Variants in UBXN11 observed in about 807,000 individuals in gnomAD.
UBXN11 encodes the protein UBX domain-containing protein 11.
In UBXN11, 47 loss-of-function variants were observed where a neutral mutation model predicts 62.8. That is an observed-to-expected ratio of 0.75 (90% CI 0.59 to 0.95). The LOEUF (loss-of-function observed/expected upper bound fraction) is 0.95, where lower values mean the gene tolerates loss of function less well. UBXN11 is among the 40% of genes least tolerant of loss of function. The pLI is 0.00. For missense variants in UBXN11, 638 were observed against 661.7 expected (o/e 0.96, Z 0.39); for synonymous variants, 294 against 267.0 (o/e 1.10, Z -0.99).
At chr1:26,296,437 T>C (rs2073394548) in intron 7 of UBXN11, among the ~76,000 whole-genome samples, 1 of 152,058 alleles carries the variant, frequency 6.6e-6, no homozygotes. Context: ...GGGATATGAC[T>C]GAGGACAGTG....
intron 1 of UBXN11, among the ~76,000 whole-genome samples, chr1:26,314,866 G>A (rs768118419): frequency 2.0e-5 from 3 of 152,160 alleles, no homozygotes; most frequent in Non-Finnish European, 4.4e-5. Context: ...GCTAAATCTT[G>A]AAGAATAAAG....
chr1:26,306,646 C>T (rs983395579), upstream of UBXN11: 6 of 152,362 alleles, frequency 3.9e-5, no homozygotes, highest in African/African-American at 1.2e-4. Context: ...CACGCGGTTT[C>T]CTAGGCGACC....
intron 8 of UBXN11, among the ~76,000 whole-genome samples, chr1:26,286,351 T>C (rs1391667356): frequency 2.0e-5 from 3 of 152,078 alleles, no homozygotes; most frequent in African/African-American, 7.2e-5. Context: ...AGAAACACAG[T>C]AGTAAGCAGC....
Position 26,317,909 on chromosome 1 carries a change from G to A in UBXN11, c.-149+138C>T, listed in dbSNP as rs113139025. 1.8e-3 allele frequency: 1,684 copies of A among 929,606 alleles called. 23 individuals are homozygous for A. In the African/African-American group the frequency reaches 0.025, roughly 14 times the overall value. 57.6% of individuals were successfully genotyped at this position (929,606 alleles called of 1,614,324 possible). On this transcript the variant is annotated intron_variant, in intron 1 of 14. Coordinates refer to the UBXN11 transcript ENST00000374217. ...CTCCTTCCTCTCCCTACCTCACCCC[G>A]CCTCCTCTGCCTCCTGGTTCAAAAG...
chr1:26,300,787 G>C, intron 4 of UBXN11, 139 bp downstream of exon 4: 2 of 1,421,454 alleles, frequency 1.4e-6, no homozygotes, highest in South Asian at 2.7e-5. Flanking sequence ...CCAGGTCCCT[G>C]CCACAATCAG....
In UBXN11 at chr1:26,300,286, G is replaced by C. The variant is rs1453014116; in HGVS notation, c.199+640C>G. On this transcript the variant is annotated intron_variant, in intron 4 of 14. Transcript: ENST00000374222. The stretch of plus-strand genomic sequence containing the variant: ...ATCCTCCCAACACGCTGCCCTCGCT[G>C]TTCCCATGCCCACTTCACAGAGGAG... Among the ~76,000 whole-genome samples the C allele has an allele frequency of 2.6e-5, 4 of 152,226 alleles. 1 individual carries two copies. Among genetic ancestry groups the C allele is most frequent in the Admixed American group, 1.3e-4 (2 of 15,284 alleles).
At position 26,282,338 on chromosome 1, in the gene UBXN11, GCCGGGA is replaced by G. The variant is rs1377115437; in HGVS notation, c.1518_1523del (p.Gly508_Pro509del). 1.4e-4 allele frequency: 45 copies of G among 324,334 alleles called. 1 individual carries two copies. In the Admixed American group the frequency reaches 1.4e-3, roughly 10 times the overall value. 20.1% of individuals were successfully genotyped at this position (324,334 alleles called of 1,614,324 possible). A position where few individuals can be genotyped will look rare whatever the true frequency, so the allele number is the denominator to read the frequency against. On this transcript the variant is annotated inframe_deletion, in exon 15 of 15. Coordinates refer to ENST00000374222, the MANE Select transcript of UBXN11 (RefSeq NM_001389556.1). ...GACTGGGTCCAGGACAGGGACTGGG[GCCGGGA>G]CCGGGACCGGGACTGGGGCCGGGAC...
rs747176932 is a variant in UBXN11, at chr1:26,300,942, G to C, written c.183C>G (p.Ala61=). 3.1e-6 allele frequency: 5 copies of C among 1,614,080 alleles called. No individual in the cohort carries two copies. Among genetic ancestry groups the C allele is most frequent in the Non-Finnish European group, 4.2e-6 (5 of 1,180,036 alleles). The change falls in exon 4 of 15, where the codon GCC becomes GCG. Residue 61 remains alanine (A), a synonymous_variant. Coordinates refer to ENST00000374222, the MANE Select transcript of UBXN11 (RefSeq NM_001389556.1). ...SVPSCYGGIG[A]PVSRQVPASH... ...TGCTCTCACCTTGCCGACTCACAGGGGCACCTATGCCGCCATAGCAGGAAG... is the reference window on the plus strand; with the variant it reads ...TGCTCTCACCTTGCCGACTCACAGGCGCACCTATGCCGCCATAGCAGGAAG...
At chr1:26,301,755 T>C (rs1182835846) in intron 2 of UBXN11, 33 bp from the exon 3 acceptor site, 4 of 1,613,286 alleles carry the variant, frequency 2.5e-6, no homozygotes, top group South Asian at 1.1e-5. Context: ...GGAAGAAATA[T>C]AAGTTAGGGC....
Position 26,282,750 on chromosome 1 carries a change from G to T in UBXN11, c.1191C>A (p.Ser397=), listed in dbSNP as rs771374267. 6.2e-6 allele frequency: 10 copies of T among 1,614,180 alleles called. No individual in the cohort carries two copies. In the South Asian group the frequency reaches 8.8e-5, roughly 14 times the overall value. The change falls in exon 14 of 15, where the codon TCC becomes TCA. Residue 397 remains serine (S), a synonymous_variant. Transcript: ENST00000374222. ...ESPNTPAPPL[S]MLRIKSENGE... is the part of the protein sequence containing the mutation. ...CATTCTCAGACTTGATGCGCAGCAT[G>T]GAGAGCGGGGGTGCCGGCGTGTTGG...
At chr1:26,316,072 G>A (rs2073791081) in intron 1 of UBXN11, among the ~76,000 whole-genome samples, 1 of 146,626 alleles carries the variant, frequency 6.8e-6, no homozygotes, top group African/African-American at 2.5e-5. Context: ...CAATCCTCCT[G>A]CGTCAGCCCC....
chr1:26,284,646 C>T, intron 10 of UBXN11, 164 bp from the exon 11 acceptor site: 1 of 1,385,566 alleles, frequency 7.2e-7, no homozygotes, highest in South Asian at 1.7e-5. Flanking sequence ...GTTCGTACTG[C>T]TGTCATCTCC....
At chr1:26,285,784 G>T in intron 9 of UBXN11, 39 bp downstream of exon 9, 1 of 1,560,412 alleles carries the variant, frequency 6.4e-7, no homozygotes, top group East Asian at 2.3e-5. Context: ...GTGGGCAGCA[G>T]GGGCACTAGA....
intron 8 of UBXN11, among the ~76,000 whole-genome samples, chr1:26,291,168 C>T (rs1199515690): frequency 1.3e-5 from 2 of 152,302 alleles, no homozygotes; most frequent in African/African-American, 4.8e-5. Context: ...CTGTGGGAGC[C>T]TCTCCAACAG....
Position 26,312,979 on chromosome 1 carries a change from CAAA to C in UBXN11, c.-149+5065_-149+5067del, listed in dbSNP as rs55777309. Among the ~76,000 whole-genome samples, 146 of 48,130 alleles carry C rather than the reference CAAA, an allele frequency of 3.0e-3. 1 individual carries two copies. The highest frequency in any genetic ancestry group is 0.013 in the African/African-American group (137 of 10,890). 31.6% of individuals were successfully genotyped at this position (48,130 alleles called of 152,430 possible). On this transcript the variant is annotated intron_variant, in intron 1 of 14. Coordinates refer to the UBXN11 transcript ENST00000374217. ...GGGCAACAAGAGCAAAACTCTGTCT[CAAA>C]AAAAAAAAAAAAAAAAAAAAAAGAG...
At chr1:26,288,414 T>C (rs1439176857) in intron 8 of UBXN11, among the ~76,000 whole-genome samples, 1 of 151,864 alleles carries the variant, frequency 6.6e-6, no homozygotes, top group African/African-American at 2.4e-5. Context: ...CTGGATATGA[T>C]AGAGTGGAGA....
chr1:26,313,718 A>T (rs987015808), intron 1 of UBXN11, among the ~76,000 whole-genome samples: 2 of 151,354 alleles, frequency 1.3e-5, no homozygotes, highest in African/African-American at 4.9e-5. Flanking sequence ...CTGAGTTCCT[A>T]ATTTTTATTA....
At chr1:26,296,494 C>T (rs2073395686) in intron 7 of UBXN11, among the ~76,000 whole-genome samples, 1 of 152,166 alleles carries the variant, frequency 6.6e-6, no homozygotes, top group South Asian at 2.1e-4. Context: ...GAGGGAACAG[C>T]AACAGCACGG....
chr1:26,287,339 G>T (rs1247426312), intron 8 of UBXN11, among the ~76,000 whole-genome samples: 1 of 152,144 alleles, frequency 6.6e-6, no homozygotes, highest in African/African-American at 2.4e-5. Flanking sequence ...CTGTGTTCTG[G>T]CTTCAGGGGA....
Sources: allele counts gnomAD v4.1 joint callset (sites outside exome capture counted in the v4.1 genomes callset), GRCh38; gene constraint gnomAD v4.1.1; transcripts MANE v1.5; gene names NCBI Gene and HGNC (gene_info 2026-07-23, HGNC 2026-07-21).